The following PDCD1LG2 variants were observed in gnomAD, a reference collection of about 807,000 sequenced individuals.
PDCD1LG2 encodes the protein programmed cell death 1 ligand 2.
PDCD1LG2 carries 32 observed loss-of-function variants against 28.2 expected under a neutral mutation model. The observed-to-expected ratio is 1.13, with a 90% CI of 0.86 to 1.52. The LOEUF (loss-of-function observed/expected upper bound fraction) is 1.52. PDCD1LG2 is among the 40% of genes most tolerant of loss of function. PDCD1LG2 has a pLI of 0.00. For missense variants in PDCD1LG2, 385 were observed against 323.8 expected (o/e 1.19, Z -1.45); for synonymous variants, 116 against 120.2 (o/e 0.97, Z 0.23).
chr9:5,568,856 G>A (rs1436068261), intron 6 of PDCD1LG2, among the ~76,000 whole-genome samples: 1 of 152,158 alleles, frequency 6.6e-6, no homozygotes, highest in African/African-American at 2.4e-5. Context: ...GCTCATATAA[G>A]AGGGACAAAC....
Position 5,570,116 on chromosome 9 carries a change from G to A in PDCD1LG2, c.*157G>A. 1 of 907,834 alleles carries A rather than the reference G, an allele frequency of 1.1e-6. No homozygotes were observed. The highest frequency in any genetic ancestry group is 1.8e-6 in the Non-Finnish European group (1 of 560,598). The allele number at this position is 907,834 out of a possible 1,614,324, so 56.2% of individuals were successfully genotyped here. A position where few individuals can be genotyped will look rare whatever the true frequency, so the allele number is the denominator to read the frequency against. ...TAATCTGAAACCTGCAACAAGACTA[G>A]CCAACACCTGGCCATGAAACTTGCC... On this transcript the variant is annotated 3_prime_UTR_variant, in exon 7 of 7. Transcript: ENST00000397747.
At chr9:5,529,254 T>C (rs995052361) in intron 2 of PDCD1LG2, among the ~76,000 whole-genome samples, 2 of 152,258 alleles carry the variant, frequency 1.3e-5, no homozygotes, top group Admixed American at 1.3e-4. Context: ...GATTGTCTTC[T>C]ATATTTTCTT....
chr9:5,510,949 A>T (rs1193685403), intron 1 of PDCD1LG2, 146 bp downstream of exon 1: 2 of 152,652 alleles, frequency 1.3e-5, no homozygotes, highest in African/African-American at 4.8e-5. Flanking sequence ...GCTGAGGGGC[A>T]CAAATAAGCT....
intron 1 of PDCD1LG2, among the ~76,000 whole-genome samples, chr9:5,516,570 C>G (rs755311488): frequency 6.6e-6 from 1 of 152,234 alleles, no homozygotes; most frequent in Non-Finnish European, 1.5e-5. Context: ...CTGTCTCCCT[C>G]TTGCCATCAA....
chr9:5,529,537 A>G (rs1820442254), intron 2 of PDCD1LG2, among the ~76,000 whole-genome samples: 1 of 152,110 alleles, frequency 6.6e-6, no homozygotes, highest in Non-Finnish European at 1.5e-5. Context: ...TCACACTTAT[A>G]TTTGTTTTTT....
chr9:5,555,487 G>C (rs1482174904), intron 4 of PDCD1LG2, among the ~76,000 whole-genome samples: 1 of 152,182 alleles, frequency 6.6e-6, no homozygotes, highest in East Asian at 1.9e-4. Context: ...AAACAACTTA[G>C]AGGAATATGT....
chr9:5,537,406 T>C (rs1207946366), intron 3 of PDCD1LG2, among the ~76,000 whole-genome samples: 2 of 152,252 alleles, frequency 1.3e-5, no homozygotes, highest in African/African-American at 2.4e-5. Context: ...AATTTTCATC[T>C]TTCATGTTTA....
chr9:5,570,642 G>C lies in PDCD1LG2; in HGVS notation c.*683G>C, dbSNP rs576032908. ...CTGTAATGGCACCATGTTTAATGGT[G>C]GTTTTTTTTTTGAACTACATCTTTC... is the stretch of plus-strand genomic sequence containing the variant. On this transcript the variant is annotated 3_prime_UTR_variant, in exon 7 of 7. Transcript: ENST00000397747. The C allele has an allele frequency of 8.6e-6, 2 of 231,568 alleles. No homozygotes were observed. Among genetic ancestry groups the C allele is most frequent in the Admixed American group, 1.1e-4 (2 of 17,692 alleles). The allele number at this position is 231,568 out of a possible 1,614,324, so 14.3% of individuals were successfully genotyped here.
chr9:5,565,885 A>AT (rs1816656628), intron 6 of PDCD1LG2, among the ~76,000 whole-genome samples: 1 of 152,198 alleles, frequency 6.6e-6, no homozygotes, highest in African/African-American at 2.4e-5. Flanking sequence ...GTTTCAGAAC[A>AT]TTTTTTAAAT....
intron 3 of PDCD1LG2, among the ~76,000 whole-genome samples, chr9:5,547,303 T>G (rs2129862983): frequency 6.6e-6 from 1 of 152,322 alleles, no homozygotes; most frequent in East Asian, 1.9e-4. Context: ...ACTTCAAAAA[T>G]TGTATTGAAA....
intron 2 of PDCD1LG2, among the ~76,000 whole-genome samples, chr9:5,523,547 G>A (rs1820316998): frequency 1.3e-5 from 2 of 152,150 alleles, no homozygotes; most frequent in East Asian, 3.9e-4. Flanking sequence ...CTAGAGACAT[G>A]CACTTGGGGC....
At chr9:5,549,650 C>G (rs1350027127) in intron 4 of PDCD1LG2, 46 bp downstream of exon 4, 3 of 1,602,460 alleles carry the variant, frequency 1.9e-6, no homozygotes, top group Admixed American at 1.7e-5. Context: ...AGGGTTCAGA[C>G]AAGAAACAGA....
chr9:5,530,756 T>C (rs1285553308), intron 2 of PDCD1LG2, among the ~76,000 whole-genome samples: 3 of 152,358 alleles, frequency 2.0e-5, no homozygotes, highest in Non-Finnish European at 4.4e-5. Context: ...TCTGACTTAC[T>C]GTGTTTAAGA....
intron 3 of PDCD1LG2, among the ~76,000 whole-genome samples, chr9:5,539,325 G>A (rs1820645084): frequency 6.6e-6 from 1 of 152,290 alleles, no homozygotes; most frequent in South Asian, 2.1e-4. Context: ...AAAGAAGCAA[G>A]ATAGATCTGA....
intron 1 of PDCD1LG2, among the ~76,000 whole-genome samples, chr9:5,516,816 AGGAGTGGGAAGAGGCCAG>A (rs1457056144): frequency 6.6e-6 from 1 of 152,222 alleles, no homozygotes; most frequent in Admixed American, 6.5e-5. Context: ...AGCAGGTGCC[AGGAGTGGGAAGAGGCCAG>A]GGAGTGGGAG....
At chr9:5,562,978 C>T (rs888524413) in intron 5 of PDCD1LG2, among the ~76,000 whole-genome samples, 184 bp from the exon 6 acceptor site, 2 of 152,234 alleles carry the variant, frequency 1.3e-5, no homozygotes, top group Non-Finnish European at 2.9e-5. Flanking sequence ...TTTGTTCACA[C>T]TCTTTGCCTA....
chr9:5,529,739 G>A (rs1292208241), intron 2 of PDCD1LG2, among the ~76,000 whole-genome samples: 1 of 152,010 alleles, frequency 6.6e-6, no homozygotes, highest in African/African-American at 2.4e-5. Flanking sequence ...GTCATTCTGG[G>A]GCACAGACCT....
At chr9:5,566,070 TC>T (rs1816659939) in intron 6 of PDCD1LG2, among the ~76,000 whole-genome samples, 1 of 152,092 alleles carries the variant, frequency 6.6e-6, no homozygotes, top group Non-Finnish European at 1.5e-5. Context: ...TTCTATCTCA[TC>T]CCAAAACCAT....
chr9:5,532,773 T>C (rs544090484), intron 2 of PDCD1LG2, among the ~76,000 whole-genome samples: 1 of 152,300 alleles, frequency 6.6e-6, no homozygotes, highest in African/African-American at 2.4e-5. Flanking sequence ...ATTCCACATA[T>C]GAATTACCAC....
Sources: allele counts gnomAD v4.1 joint callset (sites outside exome capture counted in the v4.1 genomes callset), GRCh38; gene constraint gnomAD v4.1.1; transcripts MANE v1.5; gene names NCBI Gene and HGNC (gene_info 2026-07-23, HGNC 2026-07-21).